The following DOCK4 variants were observed in gnomAD, a reference collection of about 807,000 sequenced individuals.
The protein encoded by DOCK4 is dedicator of cytokinesis 4, also known as dedicator of cytokinesis protein 4.
DOCK4 carries 97 observed loss-of-function variants against 268.1 expected under a neutral mutation model. The ratio of observed to expected loss-of-function variants is 0.36; its 90% CI spans 0.31 to 0.43. The LOEUF is 0.43. Among genes scored for constraint, DOCK4 ranks in the 20% least tolerant of loss-of-function variants. DOCK4 has a pLI of 1.00. For synonymous variants in DOCK4, 954 were observed against 887.2 expected, an observed-to-expected ratio of 1.08 and a Z score of -1.34; for missense variants, 2,145 against 2,455.7, an observed-to-expected ratio of 0.87 and a Z score of 2.67.
Position 111,739,383 on chromosome 7 carries a change from C to A in DOCK4, c.5122+13G>T. 1 of 1,592,808 alleles carries A rather than the reference C, an allele frequency of 6.3e-7. No individual in the cohort carries two copies. On this transcript the variant is annotated intron_variant, in intron 48 of 52. Transcript: ENST00000428084. ...CTGGGCACCCTCAGTCTTCCCCACACTCTGGCACTGACCTCTGGCACTCGA... is the reference window on the plus strand; with the variant it reads ...CTGGGCACCCTCAGTCTTCCCCACAATCTGGCACTGACCTCTGGCACTCGA...
At chr7:112,116,781 G>A (rs1258145623) in intron 1 of DOCK4, among the ~76,000 whole-genome samples, 1 of 151,850 alleles carries the variant, frequency 6.6e-6, no homozygotes, top group Non-Finnish European at 1.5e-5. Flanking sequence ...TCTCTTTTTT[G>A]TAGAGTCGGC....
intron 1 of DOCK4, among the ~76,000 whole-genome samples, chr7:112,154,941 G>A (rs894182258): frequency 3.3e-5 from 5 of 152,144 alleles, no homozygotes; most frequent in African/African-American, 1.2e-4. Context: ...GAGGATCAAG[G>A]AAACAACACC....
At chr7:111,815,447 T>A (rs1801465734) in intron 27 of DOCK4, among the ~76,000 whole-genome samples, 1 of 152,200 alleles carries the variant, frequency 6.6e-6, no homozygotes, top group Admixed American at 6.5e-5. Flanking sequence ...TGTTTCAATT[T>A]ATCCAAAACC....
chr7:111,784,154 G>A lies in DOCK4; in HGVS notation c.3402-31C>T, dbSNP rs1253804593. ...CCAGGAAGCATTGACAAAGCAAATTGATTTTCAGATTATCCAAGTCATAAA... is the reference window on the plus strand; with the variant it reads ...CCAGGAAGCATTGACAAAGCAAATTAATTTTCAGATTATCCAAGTCATAAA... On this transcript the variant is annotated intron_variant, in intron 32 of 52. Coordinates refer to ENST00000428084, the MANE Select transcript of DOCK4 (RefSeq NM_001363540.2). The A allele has an allele frequency of 2.6e-6, 4 of 1,557,704 alleles. No individual in the cohort carries two copies. In the African/African-American group the frequency reaches 5.4e-5, roughly 21 times the overall value.
chr7:112,015,448 G>A (rs761829252), intron 1 of DOCK4, among the ~76,000 whole-genome samples: 6 of 152,114 alleles, frequency 3.9e-5, no homozygotes. Flanking sequence ...CTATGGAGTA[G>A]CCATTCTTTT....
In DOCK4 at chr7:111,834,597, T is replaced by C; in HGVS notation, c.2826A>G (p.Glu942=). The C allele has an allele frequency of 6.5e-7, 1 of 1,546,636 alleles. No homozygotes were observed. The highest frequency in any genetic ancestry group is 2.4e-5 in the East Asian group (1 of 41,668). Residue 942 remains glutamate, a synonymous_variant, in exon 26 of 53, where the codon GAA becomes GAG. Coordinates refer to ENST00000428084, the MANE Select transcript of DOCK4 (RefSeq NM_001363540.2). The part of the protein sequence containing the change: ...QQLLDSFNTK[E]ELRDFLLQIF... ...TTAAAATGTCACTTACCCTTAGTTC[T>C]TCCTTTGTATTAAAACTATCAAGAA... is the stretch of plus-strand genomic sequence containing the variant.
At chr7:111,900,915 A>G (rs1791088099) in intron 14 of DOCK4, among the ~76,000 whole-genome samples, 1 of 152,210 alleles carries the variant, frequency 6.6e-6, no homozygotes, top group Non-Finnish European at 1.5e-5. Context: ...GGGCAACTGT[A>G]TGTCTCTATG....
chr7:111,959,499 T>C (rs561756319), intron 8 of DOCK4, among the ~76,000 whole-genome samples: 95 of 152,334 alleles, frequency 6.2e-4, no homozygotes, highest in African/African-American at 2.1e-3. Flanking sequence ...TTTTAAATGA[T>C]GTATGAGACG....
intron 1 of DOCK4, among the ~76,000 whole-genome samples, chr7:112,174,827 G>A (rs191419841): frequency 2.0e-5 from 3 of 150,794 alleles, no homozygotes; most frequent in African/African-American, 4.9e-5. Context: ...ACTAGATGAT[G>A]TTTTATCTCA....
chr7:111,781,682 C>G (rs1462226103), intron 35 of DOCK4, among the ~76,000 whole-genome samples: 1 of 152,070 alleles, frequency 6.6e-6, no homozygotes, highest in African/African-American at 2.4e-5. Flanking sequence ...CGGATACCAT[C>G]ATAGGCTCAG....
intron 30 of DOCK4, among the ~76,000 whole-genome samples, chr7:111,800,544 T>C (rs17158825): frequency 0.2 from 29,874 of 152,120 alleles, 3,687 homozygotes; most frequent in East Asian, 0.57. Context: ...CAAAACGGTA[T>C]TGCAATCCAC....
intron 6 of DOCK4, among the ~76,000 whole-genome samples, chr7:111,986,733 T>C (rs544475784): frequency 1.3e-5 from 2 of 152,330 alleles, no homozygotes; most frequent in South Asian, 4.1e-4. Flanking sequence ...ACCATTATTT[T>C]AGTGCTGTCT....
intron 37 of DOCK4, among the ~76,000 whole-genome samples, chr7:111,768,150 G>A (rs778406764): frequency 2.0e-5 from 3 of 152,020 alleles, no homozygotes; most frequent in Non-Finnish European, 4.4e-5. Flanking sequence ...ATTTAAAAAC[G>A]TAAAAGAGAT....
chr7:111,734,843 C>G (rs968317095), intron 51 of DOCK4, among the ~76,000 whole-genome samples: 1 of 152,098 alleles, frequency 6.6e-6, no homozygotes, highest in African/African-American at 2.4e-5. Flanking sequence ...TAAAATCTGT[C>G]CGAGAGGCTT....
At chr7:111,794,295 C>G (rs1351693966) in intron 30 of DOCK4, among the ~76,000 whole-genome samples, 2 of 152,178 alleles carry the variant, frequency 1.3e-5, no homozygotes, top group Non-Finnish European at 2.9e-5. Flanking sequence ...ACTTCTAACA[C>G]TGAATACTCT....
At chr7:111,772,868 A>G (rs1364760333) in intron 36 of DOCK4, among the ~76,000 whole-genome samples, 1 of 152,144 alleles carries the variant, frequency 6.6e-6, no homozygotes, top group Non-Finnish European at 1.5e-5. Flanking sequence ...TGCTTTCCCA[A>G]TCAGCTTGCC....
At chr7:111,739,343 G>A in intron 48 of DOCK4, 53 bp downstream of exon 48, 2 of 1,596,432 alleles carry the variant, frequency 1.3e-6, no homozygotes, top group Non-Finnish European at 1.7e-6. Context: ...ACAGTTCCCA[G>A]GACTAGAAGG....
At chr7:111,995,051 G>T (rs1174905304) in intron 4 of DOCK4, among the ~76,000 whole-genome samples, 1 of 148,916 alleles carries the variant, frequency 6.7e-6, no homozygotes, top group South Asian at 2.1e-4. Flanking sequence ...TTTTTTTTGA[G>T]AACAGAGTCT....
chr7:111,946,158 C>T (rs985853445), intron 8 of DOCK4, among the ~76,000 whole-genome samples: 3 of 152,110 alleles, frequency 2.0e-5, no homozygotes, highest in African/African-American at 7.2e-5. Context: ...ACTAAGATTT[C>T]TTTTTCATGT....
Sources: allele counts gnomAD v4.1 joint callset (sites outside exome capture counted in the v4.1 genomes callset), GRCh38; gene constraint gnomAD v4.1.1; transcripts MANE v1.5; gene names NCBI Gene and HGNC (gene_info 2026-07-23, HGNC 2026-07-21).